COPG2: variants seen among roughly 807,000 people sequenced by gnomAD.
The protein encoded by COPG2 is coatomer subunit gamma-2.
Under a neutral mutation model 46.3 loss-of-function variants are expected in COPG2, and 37 were observed. The ratio of observed to expected loss-of-function variants is 0.80; its 90% confidence interval spans 0.61 to 1.05. The LOEUF (loss-of-function observed/expected upper bound fraction) is 1.05. Ranked by LOEUF, COPG2 falls within the 50% of genes least tolerant of loss-of-function variation. COPG2 has a pLI of 0.00. For missense variants in COPG2, 427 were observed against 387.8 expected (o/e 1.10, Z -0.85); for synonymous variants, 159 against 129.7 (o/e 1.23, Z -1.53).
At chr7:130,588,106 A>ATG (rs1794318682) in intron 9 of COPG2, among the ~76,000 whole-genome samples, 1 of 150,658 alleles carries the variant, frequency 6.6e-6, no homozygotes, top group African/African-American at 2.4e-5. Context: ...ATACCATCTC[A>ATG]CAACAGTTAG....
intron 5 of COPG2, 50 bp from the exon 6 acceptor site, chr7:130,617,115 T>A: frequency 8.3e-7 from 1 of 1,206,368 alleles, no homozygotes; most frequent in Non-Finnish European, 1.2e-6. Context: ...ATCTCTCCCA[T>A]GGAGTTCACC....
chr7:130,586,312 G>A (rs1197320408), intron 9 of COPG2, among the ~76,000 whole-genome samples: 5 of 151,974 alleles, frequency 3.3e-5, no homozygotes, highest in African/African-American at 1.2e-4. Flanking sequence ...TTTGGGACTT[G>A]GGGGGAGAGT....
chr7:130,528,120 C>T lies in COPG2; in HGVS notation c.2150-19461G>A, dbSNP rs1182741540. ...GACTGACAGGAGGACCCAGGAGGAGCGGAGGAGCCGGGTTTCAGGCAGGGC... is the reference window on the plus strand; with the variant it reads ...GACTGACAGGAGGACCCAGGAGGAGTGGAGGAGCCGGGTTTCAGGCAGGGC... On this transcript the variant is annotated intron_variant, in intron 20 of 23. Transcript: ENST00000425248. Among the ~76,000 whole-genome samples, 9 of 151,828 alleles carry T rather than the reference C, an allele frequency of 5.9e-5. No homozygotes were observed. In the South Asian group the frequency reaches 1.3e-3, roughly 21 times the overall value.
intron 9 of COPG2, among the ~76,000 whole-genome samples, chr7:130,572,385 A>C (rs1159880915): frequency 1.3e-5 from 2 of 152,190 alleles, no homozygotes; most frequent in African/African-American, 4.8e-5. Flanking sequence ...GATTATAGAA[A>C]ACATTCAACC....
intron 20 of COPG2, among the ~76,000 whole-genome samples, chr7:130,534,315 A>C (rs1799858495): frequency 6.6e-6 from 1 of 152,164 alleles, no homozygotes; most frequent in Non-Finnish European, 1.5e-5. Context: ...ATGGACTCAT[A>C]TCGTTTGAGT....
chr7:130,520,716 G>A (rs1464486707), intron 20 of COPG2, among the ~76,000 whole-genome samples: 1 of 151,970 alleles, frequency 6.6e-6, no homozygotes, highest in Admixed American at 6.6e-5. Flanking sequence ...AATATGAGCG[G>A]GACAATTCAA....
intron 9 of COPG2, among the ~76,000 whole-genome samples, chr7:130,591,766 G>T (rs1298405394): frequency 6.8e-6 from 1 of 147,530 alleles, no homozygotes; most frequent in African/African-American, 2.6e-5. Context: ...CACCCCGTCC[G>T]GGAGGGAAGT....
At chr7:130,605,394 A>T (rs1554451075) in intron 9 of COPG2, among the ~76,000 whole-genome samples, 3 of 152,234 alleles carry the variant, frequency 2.0e-5, no homozygotes, top group Admixed American at 1.3e-4. Flanking sequence ...TATAATTAAG[A>T]TTGTCACCTA....
At chr7:130,625,943 C>A (rs1231543930) in intron 5 of COPG2, among the ~76,000 whole-genome samples, 1 of 152,008 alleles carries the variant, frequency 6.6e-6, no homozygotes, top group Non-Finnish European at 1.5e-5. Context: ...TTGATCACTC[C>A]TTTAATTCAC....
At chr7:130,636,538 G>GTTTTTTTTTTTTTTTT (rs59688621) in intron 5 of COPG2, among the ~76,000 whole-genome samples, 2 of 94,112 alleles carry the variant, frequency 2.1e-5, no homozygotes, top group African/African-American at 8.5e-5. Flanking sequence ...ATTGCAACCG[G>GTTTTTTTTTTTTTTTT]TTTTTTTTTT....
chr7:130,648,335 A>G (rs1174120246), intron 5 of COPG2, among the ~76,000 whole-genome samples: 1 of 152,218 alleles, frequency 6.6e-6, no homozygotes, highest in Non-Finnish European at 1.5e-5. Context: ...TCACTGTGTC[A>G]TTAGGGCTAT....
At position 130,561,570 on chromosome 7, in the gene COPG2, G is replaced by GCTCGACAAAGACTGTTAATATCTT. The variant is rs1463957167; in HGVS notation, c.940-373_940-350dup. 6.2e-4 allele frequency among the ~76,000 whole-genome samples: 94 copies of GCTCGACAAAGACTGTTAATATCTT among 152,278 alleles called. 1 individual carries two copies. The highest frequency in any genetic ancestry group is 2.1e-3 in the African/African-American group (89 of 41,550). ...AACAGGATCTAGCATAGTAGTCAGTGCTCGACAAAGACTGTTAATATCTTA... is the reference window on the plus strand; with the variant it reads ...AACAGGATCTAGCATAGTAGTCAGTGCTCGACAAAGACTGTTAATATCTTCTCGACAAAGACTGTTAATATCTTA... On this transcript the variant is annotated intron_variant, in intron 11 of 23. Transcript: ENST00000425248.
At chr7:130,631,798 CTTGT>C (rs1554455244) in intron 5 of COPG2, among the ~76,000 whole-genome samples, 1 of 152,098 alleles carries the variant, frequency 6.6e-6, no homozygotes, top group African/African-American at 2.4e-5. Flanking sequence ...AGGAAAATTT[CTTGT>C]TTATCTACTC....
At chr7:130,649,552 A>G (rs1188513836) in intron 5 of COPG2, among the ~76,000 whole-genome samples, 2 of 152,158 alleles carry the variant, frequency 1.3e-5, no homozygotes, top group Non-Finnish European at 2.9e-5. Context: ...TTCTGCCACT[A>G]TAACAGGGAT....
chr7:130,508,526 G>A (rs375129754), intron 21 of COPG2, 36 bp downstream of exon 21: 1 of 747,784 alleles, frequency 1.3e-6, no homozygotes, highest in Non-Finnish European at 2.5e-6. Context: ...GTGTTGTGAA[G>A]GTGTCAAAGA....
At position 130,563,353 on chromosome 7, in the gene COPG2, A is replaced by ATAC. The variant is rs1346072198; in HGVS notation, c.872-18_872-17insGTA. On this transcript the variant is annotated splice_polypyrimidine_tract_variant and intron_variant, in intron 10 of 23. Coordinates refer to ENST00000425248, the MANE Select transcript of COPG2 (RefSeq NM_012133.6). ...GTTGAAGAACTAAAAAAAAATAATA[A>ATAC]TAATAATATGTAACATTAAGTAATA... 10 of 397,190 alleles carry ATAC rather than the reference A, an allele frequency of 2.5e-5. No individual in the cohort carries two copies. The highest frequency in any genetic ancestry group is 6.2e-4 in the Middle Eastern group (1 of 1,604). 24.6% of individuals were successfully genotyped at this position (397,190 alleles called of 1,614,324 possible). A position where few individuals can be genotyped will look rare whatever the true frequency, so the allele number is the denominator to read the frequency against.
intron 5 of COPG2, among the ~76,000 whole-genome samples, chr7:130,628,199 TTA>T (rs1279963165): frequency 6.6e-6 from 1 of 152,126 alleles, no homozygotes; most frequent in Non-Finnish European, 1.5e-5. Context: ...CTGGCTAGTT[TTA>T]TATTTGTTCC....
chr7:130,612,924 G>A (rs1794879153), intron 7 of COPG2, among the ~76,000 whole-genome samples: 1 of 151,940 alleles, frequency 6.6e-6, no homozygotes, highest in Admixed American at 6.6e-5. Context: ...GAAAGAAAAG[G>A]GTCCTAGGTT....
rs1307417827 is a variant in COPG2, at chr7:130,544,497, G to A, written c.2149+3177C>T. Among the ~76,000 whole-genome samples the A allele has an allele frequency of 7.9e-5, 12 of 152,188 alleles. No homozygotes were observed. The East Asian group carries it at 2.3e-3, about 29-fold the overall frequency. ...TCTATTAAAGACTGTTTTAAAATAA[G>A]TTATTAATATTTGTTGAAATGGTTC... On this transcript the variant is annotated intron_variant, in intron 20 of 23. Transcript: ENST00000425248.
Sources: gnomAD v4.1 joint callset for allele counts (sites outside exome capture counted in the v4.1 genomes callset) on GRCh38, gnomAD v4.1.1 for gene constraint, MANE v1.5 for transcripts, NCBI Gene and HGNC (gene_info 2026-07-23, HGNC 2026-07-21) for gene names.